Variants in LARS1 observed in about 807,000 individuals in gnomAD.
The protein encoded by LARS1 is leucine--tRNA ligase, cytoplasmic.
Under a neutral mutation model 162.8 loss-of-function variants are expected in LARS1, and 100 were observed. The observed-to-expected ratio is 0.61, with a 90% CI of 0.52 to 0.73. The LOEUF is 0.73. Ranked by LOEUF, LARS1 falls within the 30% of genes least tolerant of loss-of-function variation. The pLI is 0.00. For synonymous variants in LARS1, 457 were observed against 462.8 expected, an observed-to-expected ratio of 0.99 and a Z score of 0.16; for missense variants, 1,258 against 1,408.9, an observed-to-expected ratio of 0.89 and a Z score of 1.71.
chr5:146,146,049 G>T (rs988078806), intron 15 of LARS1, among the ~76,000 whole-genome samples: 1 of 152,182 alleles, frequency 6.6e-6, no homozygotes, highest in Non-Finnish European at 1.5e-5. Context: ...CTCAGAAATT[G>T]GTGGCATTAA....
chr5:146,147,726 G>A (rs1182621857), intron 15 of LARS1, among the ~76,000 whole-genome samples: 11 of 151,970 alleles, frequency 7.2e-5, no homozygotes. Context: ...TTCAAAAAGT[G>A]AAAATAGAGA....
chr5:146,142,739 T>C, intron 20 of LARS1, 133 bp downstream of exon 20: 2 of 700,860 alleles, frequency 2.9e-6, no homozygotes, highest in East Asian at 5.5e-5. Flanking sequence ...TTAGTACATA[T>C]TTAAGATAAG....
chr5:146,123,566 A>G (rs1053971025), intron 29 of LARS1, among the ~76,000 whole-genome samples: 2 of 151,920 alleles, frequency 1.3e-5, no homozygotes, highest in African/African-American at 4.8e-5. Flanking sequence ...CCAATATATC[A>G]GTGCAGCAAT....
At chr5:146,153,132 A>C in intron 13 of LARS1, 42 bp downstream of exon 13, 1 of 1,442,146 alleles carries the variant, frequency 6.9e-7, no homozygotes, top group Non-Finnish European at 9.7e-7. Flanking sequence ...TTTCTCTGAT[A>C]AAGAGATGGA....
intron 20 of LARS1, among the ~76,000 whole-genome samples, chr5:146,141,009 G>A (rs1262179269): frequency 6.6e-6 from 1 of 152,116 alleles, no homozygotes; most frequent in African/African-American, 2.4e-5. Context: ...AAAATCACAA[G>A]AAACCAATAG....
chr5:146,142,055 GAGGCTGAGGC>G (rs1752803699), intron 20 of LARS1, among the ~76,000 whole-genome samples: 1 of 152,130 alleles, frequency 6.6e-6, no homozygotes, highest in South Asian at 2.1e-4. Context: ...AGCTACTCGG[GAGGCTGAGGC>G]AGGAGAATCG....
At chr5:146,138,887 G>A in intron 21 of LARS1, 1 of 292,256 alleles carries the variant, frequency 3.4e-6, no homozygotes, top group Non-Finnish European at 7.0e-6. Flanking sequence ...AGAGTAATCT[G>A]GGGAAAGGTA....
intron 10 of LARS1, among the ~76,000 whole-genome samples, chr5:146,155,800 G>A (rs563220744): frequency 1.4e-4 from 22 of 152,312 alleles, no homozygotes; most frequent in Middle Eastern, 3.4e-3. Flanking sequence ...TTAAGAATAG[G>A]AAAACATGTA....
At chr5:146,168,634 G>A (rs1328308950) in intron 4 of LARS1, among the ~76,000 whole-genome samples, 4 of 151,956 alleles carry the variant, frequency 2.6e-5, no homozygotes, top group Non-Finnish European at 4.4e-5. Context: ...GCAGTGAGCC[G>A]AGATCACATC....
chr5:146,154,957 G>A (rs1451457604), intron 10 of LARS1, among the ~76,000 whole-genome samples: 4 of 151,572 alleles, frequency 2.6e-5, no homozygotes, highest in Admixed American at 6.6e-5. Context: ...AGGTTCCAGC[G>A]ATTCCTGCCT....
rs7734517 is a variant in LARS1 at position 146,135,795 on chromosome 5, G to T, written c.2149-131C>A. 1,565 of 598,832 alleles carry T rather than the reference G, an allele frequency of 2.6e-3. 17 individuals are homozygous for T. In the African/African-American group the frequency reaches 0.027, roughly 11 times the overall value. 37.1% of individuals were successfully genotyped at this position (598,832 alleles called of 1,614,324 possible). A position where few individuals can be genotyped will look rare whatever the true frequency, so the allele number is the denominator to read the frequency against. ...AGAATTCAAAATACGGAAAGGAAAA[G>T]ATATTACACTAATTTTAGAGCGGTG... On this transcript the variant is annotated intron_variant, in intron 21 of 31. Coordinates refer to ENST00000394434, the MANE Select transcript of LARS1 (RefSeq NM_020117.11).
Position 146,172,748 on chromosome 5 carries a change from G to T in LARS1, c.152C>A (p.Pro51Gln). The T allele has an allele frequency of 6.4e-7, 1 of 1,571,192 alleles. No individual in the cohort carries two copies. Among genetic ancestry groups the T allele is most frequent in the Non-Finnish European group, 8.6e-7 (1 of 1,159,558 alleles). ...AAGGCGTCCATTCATATATGGATATGGGAAGGTTACAAAATACTTGCCCTT... is the reference window on the plus strand; with the variant it reads ...AAGGCGTCCATTCATATATGGATATTGGAAGGTTACAAAATACTTGCCCTT... Reference protein sequence around the residue: ...TSKGKYFVTFPYPYMNGRLHL... With the variant: ...TSKGKYFVTFQYPYMNGRLHL... Residue 51 changes from proline to glutamine, a missense_variant, in exon 3 of 32, where the codon CCA becomes CAA. By Grantham distance (76) the Pro-to-Gln change is moderately conservative. Transcript: ENST00000394434.
intron 31 of LARS1, among the ~76,000 whole-genome samples, chr5:146,120,060 T>G (rs970200570): frequency 1.3e-5 from 2 of 152,146 alleles, no homozygotes; most frequent in African/African-American, 2.4e-5. Context: ...TCTGAATATC[T>G]CTGAGAGACA....
rs920617242 is a variant in LARS1 at position 146,157,058 on chromosome 5, C to T, written c.1065+345G>A. The stretch of plus-strand genomic sequence containing the variant: ...ATAATGTTAAGCAAAAGAAGCTAGA[C>T]ACAAAACAGTCAGACTACACAATTC... On this transcript the variant is annotated intron_variant, in intron 10 of 31. Coordinates refer to ENST00000394434, the MANE Select transcript of LARS1 (RefSeq NM_020117.11). Among the ~76,000 whole-genome samples the T allele has an allele frequency of 3.3e-5, 5 of 152,082 alleles. No homozygotes were observed. In the East Asian group the frequency reaches 5.8e-4, roughly 18 times the overall value.
chr5:146,149,860 C>T (rs1429782229), intron 14 of LARS1, among the ~76,000 whole-genome samples, 161 bp from the exon 15 acceptor site: 2 of 152,094 alleles, frequency 1.3e-5, no homozygotes, highest in Non-Finnish European at 2.9e-5. Context: ...TTTGGTATAG[C>T]ATGGATAACT....
At chr5:146,132,849 C>T (rs1752344794) in intron 23 of LARS1, 49 bp downstream of exon 23, 5 of 1,364,382 alleles carry the variant, frequency 3.7e-6, no homozygotes, top group Non-Finnish European at 5.0e-6. Context: ...AAAAATGCAC[C>T]AGGACTAAGT....
intron 24 of LARS1, 59 bp from the exon 25 acceptor site, chr5:146,130,217 G>A: frequency 2.0e-6 from 3 of 1,525,330 alleles, no homozygotes; most frequent in Admixed American, 3.8e-5. Context: ...AAAATAAAGG[G>A]AAAAATTGCA....
At chr5:146,127,314 CGAAAAA>C (rs1018850203) in intron 27 of LARS1, among the ~76,000 whole-genome samples, 3 of 151,826 alleles carry the variant, frequency 2.0e-5, no homozygotes, top group Non-Finnish European at 1.5e-5. Context: ...CTGAAACACA[CGAAAAA>C]GAAAAAGGGT....
intron 5 of LARS1, among the ~76,000 whole-genome samples, chr5:146,166,493 T>C (rs1754009282): frequency 6.6e-6 from 1 of 152,090 alleles, no homozygotes; most frequent in East Asian, 1.9e-4. Context: ...GAAGACAGCT[T>C]GAGCCCCAGA....
Sources: allele counts gnomAD v4.1 joint callset (sites outside exome capture counted in the v4.1 genomes callset), GRCh38; gene constraint gnomAD v4.1.1; transcripts MANE v1.5; gene names NCBI Gene and HGNC (gene_info 2026-07-23, HGNC 2026-07-21).